TMEM132B: variants seen among roughly 807,000 people sequenced by gnomAD.
TMEM132B encodes the protein transmembrane protein 132B.
Under a neutral mutation model 90.8 loss-of-function variants are expected in TMEM132B, and 18 were observed. The ratio of observed to expected loss-of-function variants is 0.20; its 90% confidence interval spans 0.14 to 0.29. TMEM132B has a LOEUF of 0.29. Ranked by LOEUF, TMEM132B falls within the 10% of genes least tolerant of loss-of-function variation. TMEM132B has a pLI of 1.00. For missense variants in TMEM132B, 1,096 were observed against 1,326.8 expected, an observed-to-expected ratio of 0.83 and a Z score of 2.70; for synonymous variants, 504 against 523.3, an observed-to-expected ratio of 0.96 and a Z score of 0.50.
At chr12:125,392,277 G>A (rs1038149120) in intron 2 of TMEM132B, among the ~76,000 whole-genome samples, 2 of 152,236 alleles carry the variant, frequency 1.3e-5, no homozygotes, top group Non-Finnish European at 1.5e-5. Context: ...AGCTAGTTTA[G>A]TGGGGACAAT....
intron 1 of TMEM132B, among the ~76,000 whole-genome samples, chr12:125,324,038 C>T (rs775245935): frequency 2.0e-5 from 3 of 152,158 alleles, no homozygotes; most frequent in African/African-American, 7.2e-5. Flanking sequence ...CATACACACA[C>T]ACAACGGGGG....
rs894706203 is a variant in TMEM132B at position 125,352,743 on chromosome 12, T to C, written c.959+2400T>C. On this transcript the variant is annotated intron_variant, in intron 2 of 8. Transcript: ENST00000682704. The stretch of plus-strand genomic sequence containing the variant: ...CAAAGAAGGAGAAATGGAGAATTCA[T>C]TGTGAGTCTAGTGTGCTCCTTCCAA... Among the ~76,000 whole-genome samples, 29 of 152,362 alleles carry C rather than the reference T, an allele frequency of 1.9e-4. 1 individual carries two copies. The highest frequency in any genetic ancestry group is 6.0e-4 in the African/African-American group (25 of 41,578).
At chr12:125,530,441 G>A (rs1331083331) in intron 4 of TMEM132B, among the ~76,000 whole-genome samples, 1 of 152,172 alleles carries the variant, frequency 6.6e-6, no homozygotes, top group Non-Finnish European at 1.5e-5. Flanking sequence ...GCAGCGCTAT[G>A]TTAGGCAGGA....
rs1879488946 is a variant in TMEM132B at position 125,406,596 on chromosome 12, G to A, written c.960-8935G>A. 6.6e-6 allele frequency among the ~76,000 whole-genome samples: 1 copy of A among 152,200 alleles called. No homozygotes were observed. Among genetic ancestry groups the A allele is most frequent in the South Asian group, 2.1e-4 (1 of 4,834 alleles). On this transcript the variant is annotated intron_variant, in intron 2 of 8. Coordinates refer to ENST00000682704, the MANE Select transcript of TMEM132B (RefSeq NM_001366854.1). The surrounding 1 kb of genome is among the most constrained non-coding windows in gnomAD (Gnocchi z 8.3). ...AATCCTCTTTAAACGTCGGAGGACT[G>A]GGTGGATGATATGGGGTATAAAAAT... is the stretch of plus-strand genomic sequence containing the variant.
At position 125,492,148 on chromosome 12, in the gene TMEM132B, T is replaced by C. The variant is rs1271498561; in HGVS notation, c.1107-27291T>C. On this transcript the variant is annotated intron_variant, in intron 3 of 8. Transcript: ENST00000682704. This position sits in a 1 kb window ranked among gnomAD's most constrained non-coding sequence, Gnocchi z 5.8. ...TTTCTGGGGAAGGGTGAGAGTGCCC[T>C]GCTGCCCGCCCCCACCGCTCCTCAC... is the stretch of plus-strand genomic sequence containing the variant. 1.3e-5 allele frequency among the ~76,000 whole-genome samples: 2 copies of C among 152,166 alleles called. No individual in the cohort carries two copies. The highest frequency in any genetic ancestry group is 4.8e-5 in the African/African-American group (2 of 41,438).
rs368273307 is a variant in TMEM132B, at chr12:125,630,641, T to C, written c.1438-13435T>C. 3.9e-5 allele frequency among the ~76,000 whole-genome samples: 6 copies of C among 152,236 alleles called. 1 individual carries two copies. In the East Asian group the frequency reaches 7.7e-4, roughly 20 times the overall value. ...GGGGTATATGTGCAGGTTTGTTATA[T>C]AGGTAAACTCATGTCATGGGTGCTT... is the stretch of plus-strand genomic sequence containing the variant. On this transcript the variant is annotated intron_variant, in intron 5 of 8. Transcript: ENST00000682704.
chr12:125,590,859 G>A (rs976834), intron 5 of TMEM132B, among the ~76,000 whole-genome samples: 152,241 of 152,326 alleles, frequency 1, 76,078 homozygotes, highest in Middle Eastern at 1. Context: ...ACATGAGGAA[G>A]TGGCATCTAG....
chr12:125,530,937 C>T (rs1055865296), intron 4 of TMEM132B, among the ~76,000 whole-genome samples: 1 of 152,142 alleles, frequency 6.6e-6, no homozygotes, highest in African/African-American at 2.4e-5. Context: ...AAGAGGCAGG[C>T]GGGGGGCTAC....
chr12:125,530,090 G>A (rs1883604910), intron 4 of TMEM132B, among the ~76,000 whole-genome samples: 1 of 152,068 alleles, frequency 6.6e-6, no homozygotes, highest in Non-Finnish European at 1.5e-5. Context: ...TTTATGTGTG[G>A]TTGCATTTTA....
At chr12:125,258,666 T>G (rs760538363) in intron 1 of TMEM132B, among the ~76,000 whole-genome samples, 1 of 152,070 alleles carries the variant, frequency 6.6e-6, no homozygotes, top group Non-Finnish European at 1.5e-5. Context: ...GGAAGGGACA[T>G]AGACCCCACT....
chr12:125,515,435 A>AC (rs1883107977), intron 3 of TMEM132B, among the ~76,000 whole-genome samples: 2 of 150,548 alleles, frequency 1.3e-5, no homozygotes, highest in Admixed American at 6.6e-5. Flanking sequence ...ACTCTCACAC[A>AC]TACACACATT....
intron 2 of TMEM132B, among the ~76,000 whole-genome samples, chr12:125,410,129 A>AGGAGT (rs1418190775): frequency 2.2e-3 from 5 of 2,310 alleles, no homozygotes; most frequent in Non-Finnish European, 1.4e-3. Context: ...AGTGGAGTGG[A>AGGAGT]GGAGTGGAGT....
chr12:125,345,110 C>T (rs1877314648), intron 1 of TMEM132B, among the ~76,000 whole-genome samples: 1 of 152,140 alleles, frequency 6.6e-6, no homozygotes, highest in Non-Finnish European at 1.5e-5. Flanking sequence ...TAAGGAGTTT[C>T]TCTTCCTGGT....
intron 1 of TMEM132B, among the ~76,000 whole-genome samples, chr12:125,234,374 C>T (rs916264941): frequency 1.3e-5 from 2 of 152,190 alleles, no homozygotes; most frequent in Non-Finnish European, 2.9e-5. Context: ...TGACTCAGCC[C>T]TGTGAACTAG....
chr12:125,551,988 G>A (rs1004006443), intron 4 of TMEM132B, among the ~76,000 whole-genome samples: 1 of 152,052 alleles, frequency 6.6e-6, no homozygotes, highest in East Asian at 1.9e-4. Context: ...TTTTCTTTTC[G>A]TGTCTCTTAC....
chr12:125,455,072 G>C (rs1259068831), intron 3 of TMEM132B, among the ~76,000 whole-genome samples: 1 of 152,120 alleles, frequency 6.6e-6, no homozygotes, highest in Non-Finnish European at 1.5e-5. Flanking sequence ...AACAACCATT[G>C]ACGATTCAAG....
intron 3 of TMEM132B, among the ~76,000 whole-genome samples, chr12:125,449,154 A>T (rs1458550130): frequency 6.6e-6 from 1 of 151,956 alleles, no homozygotes; most frequent in Non-Finnish European, 1.5e-5. Flanking sequence ...TTTTTAGTTG[A>T]GATGGGGTTT....
intron 2 of TMEM132B, among the ~76,000 whole-genome samples, chr12:125,385,246 C>G (rs532632836): frequency 1.1e-4 from 16 of 152,232 alleles, no homozygotes; most frequent in African/African-American, 3.9e-4. Context: ...TAGGCAAGAT[C>G]AAAGTTTGTT....
At chr12:125,512,308 C>A (rs1293732128) in intron 3 of TMEM132B, among the ~76,000 whole-genome samples, 1 of 152,190 alleles carries the variant, frequency 6.6e-6, no homozygotes, top group Non-Finnish European at 1.5e-5. Context: ...CCAGAGAAGG[C>A]AGAATTACTA....
Sources: gnomAD v4.1 joint callset for allele counts (sites outside exome capture counted in the v4.1 genomes callset) on GRCh38, gnomAD v4.1.1 for gene constraint, Gnocchi (gnomAD v3.1) non-coding constraint, MANE v1.5 for transcripts, NCBI Gene and HGNC (gene_info 2026-07-23, HGNC 2026-07-21) for gene names.